Variants in ZNF106 observed in about 807,000 individuals in gnomAD.
ZNF106 encodes SH3-domain binding protein 3.
In ZNF106, 67 loss-of-function variants were observed where a neutral mutation model predicts 195.1. The ratio of observed to expected loss-of-function variants is 0.34; its 90% CI spans 0.28 to 0.42. ZNF106 has a LOEUF of 0.42. Ranked by LOEUF, ZNF106 falls within the 10% of genes least tolerant of loss-of-function variation. ZNF106 has a pLI of 1.00. For synonymous variants in ZNF106, 784 were observed against 818.6 expected, an observed-to-expected ratio of 0.96 and a Z score of 0.72; for missense variants, 2,118 against 2,304.5, an observed-to-expected ratio of 0.92 and a Z score of 1.66.
chr15:42,431,350 T>C (rs973280709), intron 14 of ZNF106, among the ~76,000 whole-genome samples: 1 of 151,742 alleles, frequency 6.6e-6, no homozygotes, highest in African/African-American at 2.4e-5. Flanking sequence ...GTCCTATAAA[T>C]GTTAATTGGA....
At chr15:42,462,819 T>C (rs1215048374) in intron 3 of ZNF106, among the ~76,000 whole-genome samples, 2 of 152,224 alleles carry the variant, frequency 1.3e-5, no homozygotes, top group African/African-American at 4.8e-5. Context: ...AGGGTCTCAC[T>C]GCCACCCAGG....
chr15:42,473,973 G>A (rs555620255), intron 1 of ZNF106, among the ~76,000 whole-genome samples: 70 of 152,260 alleles, frequency 4.6e-4, no homozygotes, highest in African/African-American at 1.6e-3. Context: ...CAAAGCCACA[G>A]GGAAAGGCCA....
chr15:42,446,799 G>A (rs190810559), intron 6 of ZNF106, 141 bp from the exon 7 acceptor site: 10 of 736,244 alleles, frequency 1.4e-5, no homozygotes, highest in Admixed American at 6.6e-5. Flanking sequence ...GAAGTCTCAC[G>A]CACGTGGTAC....
chr15:42,465,692 T>A (rs1345286098), intron 3 of ZNF106, among the ~76,000 whole-genome samples: 1 of 152,236 alleles, frequency 6.6e-6, no homozygotes, highest in Non-Finnish European at 1.5e-5. Context: ...TAAACGTTTA[T>A]GGCATGCAAT....
rs191300087 is a variant in ZNF106, at chr15:42,459,740, G to A, written c.117-2582C>T. Among the ~76,000 whole-genome samples the A allele has an allele frequency of 2.3e-3, 347 of 152,048 alleles. 1 individual carries two copies. The highest frequency in any genetic ancestry group is 8.0e-3 in the African/African-American group (332 of 41,484). On this transcript the variant is annotated intron_variant, in intron 3 of 21. Transcript: ENST00000564754. ...ACATTCCAATCAACTCAATTTTCCA[G>A]TTAGAAAATCTTTTTGTTGGCCAGG...
chr15:42,428,069 T>A lies in ZNF106; in HGVS notation c.4947A>T (p.Arg1649=), dbSNP rs1440443855. Reference sequence around the variant, plus strand: ...CATTTGCCAGTCCCGCATAGAGGATTCGCCATCTACTGTGGAGGCAGAGGA... The same window carrying A: ...CATTTGCCAGTCCCGCATAGAGGATACGCCATCTACTGTGGAGGCAGAGGA... The part of the protein sequence containing the change: ...DRVLCLHSRW[R]ILYAGLANGT... Residue 1649 remains arginine, a synonymous_variant, in exon 15 of 22, where the codon CGA becomes CGT. Coordinates refer to ENST00000564754, the MANE Select transcript of ZNF106 (RefSeq NM_001366845.3). The A allele has an allele frequency of 6.2e-7, 1 of 1,614,198 alleles. No homozygotes were observed. Among genetic ancestry groups the A allele is most frequent in the South Asian group, 1.1e-5 (1 of 91,088 alleles).
intron 1 of ZNF106, among the ~76,000 whole-genome samples, chr15:42,487,275 A>T (rs1459599696): frequency 6.6e-6 from 1 of 152,088 alleles, no homozygotes; most frequent in Non-Finnish European, 1.5e-5. Context: ...TGAGGCCAGG[A>T]GTTCAACACC....
intron 4 of ZNF106, among the ~76,000 whole-genome samples, chr15:42,453,091 A>AT (rs1191557122): frequency 6.6e-6 from 1 of 152,096 alleles, no homozygotes; most frequent in East Asian, 1.9e-4. Flanking sequence ...TTCTTAACCT[A>AT]TTTTAAATAA....
chr15:42,472,123 C>A, intron 2 of ZNF106, 113 bp downstream of exon 2: 2 of 1,035,596 alleles, frequency 1.9e-6, no homozygotes, highest in South Asian at 2.2e-5. Flanking sequence ...AAGACATTGT[C>A]AAAGCTTTTC....
rs181913077 is a variant in ZNF106 at position 42,425,459 on chromosome 15, T to G, written c.4999-434A>C. 6.6e-3 allele frequency: 1,031 copies of G among 156,460 alleles called. 6 individuals carry two copies. Among genetic ancestry groups the G allele is most frequent in the Middle Eastern group, 0.017 (5 of 300 alleles). 9.7% of individuals were successfully genotyped at this position (156,460 alleles called of 1,614,324 possible). A position where few individuals can be genotyped will look rare whatever the true frequency, so the allele number is the denominator to read the frequency against. On this transcript the variant is annotated intron_variant, in intron 15 of 21. Transcript: ENST00000564754. ...GTGTCATGCTGTTTCCAAAAATCTC[T>G]ATTTAGAATTACCTTCCTAGGTAAT...
rs376549374 is a variant in ZNF106 at position 42,450,741 on chromosome 15, T to A, written c.1531A>T (p.Asn511Tyr). 2 of 1,614,128 alleles carry A rather than the reference T, an allele frequency of 1.2e-6. No individual in the cohort carries two copies. Among genetic ancestry groups the A allele is most frequent in the African/African-American group, 1.3e-5 (1 of 74,938 alleles). ...TCCACAGTGGGCTTGTTCGAGGGAT[T>A]TGAGTGTTCTCCAGGGGAAAAAAAA... ...TNFFSPGEHS[N>Y]PSNKPTVEDN... Residue 511 changes from asparagine to tyrosine, a missense_variant, in exon 5 of 22, where the codon AAT becomes TAT. Coordinates refer to ENST00000564754, the MANE Select transcript of ZNF106 (RefSeq NM_001366845.3).
Position 42,443,909 on chromosome 15 carries a change from C to A in ZNF106, c.3421+293G>T, listed in dbSNP as rs568847036. On this transcript the variant is annotated intron_variant, in intron 9 of 21. Transcript: ENST00000564754. ...ATCACCTGAGGTCAGGAGTTCGAGACCAGTCTGGCCAACATGGCGAACCCT... is the reference window on the plus strand; with the variant it reads ...ATCACCTGAGGTCAGGAGTTCGAGAACAGTCTGGCCAACATGGCGAACCCT... Among the ~76,000 whole-genome samples, 5 of 151,936 alleles carry A rather than the reference C, an allele frequency of 3.3e-5. No individual in the cohort carries two copies. The East Asian group carries it at 5.8e-4, about 18-fold the overall frequency.
chr15:42,419,346 G>A (rs369490095), intron 20 of ZNF106, among the ~76,000 whole-genome samples: 6 of 151,826 alleles, frequency 4.0e-5, no homozygotes, highest in South Asian at 4.2e-4. Context: ...GTGACAGAGC[G>A]AGACTCTGTC....
chr15:42,468,538 T>A (rs2056586231), intron 2 of ZNF106, among the ~76,000 whole-genome samples: 1 of 147,394 alleles, frequency 6.8e-6, no homozygotes, highest in South Asian at 2.2e-4. Context: ...AGGTCAGGAG[T>A]TCGAGACCAG....
chr15:42,435,670 T>G lies in ZNF106; in HGVS notation c.4747-152A>C, dbSNP rs2055247486. 2.2e-5 allele frequency: 20 copies of G among 917,200 alleles called. No homozygotes were observed. The South Asian group carries it at 3.0e-4, about 14-fold the overall frequency. 56.8% of individuals were successfully genotyped at this position (917,200 alleles called of 1,614,324 possible). ...TGGTACACAAAAGATGCTCAGTAAA[T>G]GTATGTTCACCAAGTGCCTAGCAAA... On this transcript the variant is annotated intron_variant, in intron 13 of 21. Transcript: ENST00000564754.
At chr15:42,482,511 T>C (rs2056920520) in intron 1 of ZNF106, among the ~76,000 whole-genome samples, 2 of 149,822 alleles carry the variant, frequency 1.3e-5, no homozygotes, top group African/African-American at 4.9e-5. Context: ...AGGCAGTAGA[T>C]GAAATCTCCA....
Position 42,417,275 on chromosome 15 carries a change from T to C in ZNF106, c.*29A>G, listed in dbSNP as rs1230211888. ...GCCAATGTGAAAATAGTTCAACTAA[T>C]GACTTCCCAACGTGGGAGGCAAAAA... On this transcript the variant is annotated 3_prime_UTR_variant, in exon 22 of 22. Coordinates refer to ENST00000564754, the MANE Select transcript of ZNF106 (RefSeq NM_001366845.3). The C allele has an allele frequency of 6.2e-7, 1 of 1,613,776 alleles. No individual in the cohort carries two copies.
intron 3 of ZNF106, among the ~76,000 whole-genome samples, chr15:42,460,030 G>A (rs997331240): frequency 1.3e-5 from 2 of 149,796 alleles, no homozygotes; most frequent in East Asian, 1.9e-4. Context: ...GTGACAGAGT[G>A]AGACTTGGCC....
intron 8 of ZNF106, among the ~76,000 whole-genome samples, chr15:42,444,563 C>A (rs2055693749): frequency 6.6e-6 from 1 of 152,226 alleles, no homozygotes; most frequent in African/African-American, 2.4e-5. Context: ...TGTGGATATA[C>A]CTAGGGAGAA....
Sources: allele counts gnomAD v4.1 joint callset (sites outside exome capture counted in the v4.1 genomes callset), GRCh38; gene constraint gnomAD v4.1.1; transcripts MANE v1.5; gene names NCBI Gene and HGNC (gene_info 2026-07-23, HGNC 2026-07-21).